GLIPR1L2: variants seen among roughly 807,000 people sequenced by gnomAD.
GLIPR1L2 encodes the protein GLIPR1-like protein 2.
GLIPR1L2 carries 21 observed loss-of-function variants against 28.4 expected under a neutral mutation model. The ratio of observed to expected loss-of-function variants is 0.74; its 90% CI spans 0.52 to 1.06. The LOEUF (loss-of-function observed/expected upper bound fraction) is 1.06, where lower values mean the gene tolerates loss of function less well. GLIPR1L2 is among the 50% of genes least tolerant of loss of function. The probability of loss-of-function intolerance (pLI) is 0.00; values close to 1 mark genes in which losing one functional copy is unlikely to be tolerated. For missense variants in GLIPR1L2, 476 were observed against 416.9 expected (o/e 1.14, Z -1.23); for synonymous variants, 145 against 139.3 (o/e 1.04, Z -0.29).
intron 1 of GLIPR1L2, among the ~76,000 whole-genome samples, chr12:75,403,848 A>C (rs767669548): frequency 1.8e-4 from 28 of 152,134 alleles, no homozygotes; most frequent in Non-Finnish European, 3.5e-4. Context: ...AGAAGCAACT[A>C]CCTGAGACTA....
chr12:75,400,713 A>G (rs1394481031), intron 1 of GLIPR1L2, among the ~76,000 whole-genome samples: 1 of 152,148 alleles, frequency 6.6e-6, no homozygotes, highest in Non-Finnish European at 1.5e-5. Flanking sequence ...CGTGTTGATA[A>G]TTTCACTGGA....
At position 75,422,957 on chromosome 12, in the gene GLIPR1L2, G is replaced by T; in HGVS notation, c.638G>T (p.Gly213Val). 6.2e-7 allele frequency: 1 copy of T among 1,612,828 alleles called. No individual in the cohort carries two copies. The change falls in exon 4 of 6, where the codon GGC becomes GTC. Residue 213 changes from glycine (G) to valine (V), a missense_variant. Gly to Val is a moderately radical substitution (Grantham distance 109). Transcript: ENST00000550916. The part of the protein sequence containing the change: ...YEPGIFCTRC[G>V]RRDKCTDFLC... ...CCAGGAATATTTTGTACTCGATGTG[G>T]CAGACGTGACAAATGCACAGATTTT...
intron 1 of GLIPR1L2, among the ~76,000 whole-genome samples, chr12:75,393,387 ATTACT>A (rs2045651307): frequency 6.6e-6 from 1 of 152,050 alleles, no homozygotes; most frequent in African/African-American, 2.4e-5. Flanking sequence ...CCATCAAATA[ATTACT>A]TTACTCTCCA....
intron 1 of GLIPR1L2, among the ~76,000 whole-genome samples, chr12:75,406,200 A>G (rs2045798089): frequency 6.6e-6 from 1 of 151,958 alleles, no homozygotes; most frequent in Non-Finnish European, 1.5e-5. Context: ...CTTTTGTCAT[A>G]TTGGTTAAAT....
intron 1 of GLIPR1L2, 106 bp downstream of exon 1, chr12:75,391,456 G>C: frequency 6.3e-7 from 1 of 1,583,658 alleles, no homozygotes; most frequent in Non-Finnish European, 8.6e-7. Flanking sequence ...GGATCGCGGA[G>C]AACCGCACTT....
rs747679947 is a variant in GLIPR1L2 at position 75,410,644 on chromosome 12, G to A, written c.445G>A (p.Gly149Ser). 6.2e-7 allele frequency: 1 copy of A among 1,610,286 alleles called. No individual in the cohort carries two copies. Among genetic ancestry groups the A allele is most frequent in the Non-Finnish European group, 8.5e-7 (1 of 1,177,344 alleles). ...AEKKMYNFEN[G>S]SCSGDCSNYI... ...GAAGAAAATGTACAATTTTGAAAAT[G>A]GCAGTTGCTCTGGAGACTGTTCTAA... Residue 149 changes from glycine to serine, a missense_variant, in exon 2 of 6, where the codon GGC becomes AGC. By Grantham distance (56) the Gly-to-Ser change is moderately conservative. Coordinates refer to ENST00000550916, the MANE Select transcript of GLIPR1L2 (RefSeq NM_001270396.2).
intron 1 of GLIPR1L2, among the ~76,000 whole-genome samples, chr12:75,393,548 C>G (rs2045652734): frequency 6.6e-6 from 1 of 152,056 alleles, no homozygotes; most frequent in African/African-American, 2.4e-5. Flanking sequence ...ATAAAGTTCA[C>G]CCATGTTGTA....
intron 4 of GLIPR1L2, among the ~76,000 whole-genome samples, chr12:75,425,730 C>T (rs559700120): frequency 1.6e-4 from 24 of 152,212 alleles, no homozygotes; most frequent in Middle Eastern, 3.4e-3. Context: ...GTGAGGAGGG[C>T]ACCTATGCGT....
At chr12:75,406,569 C>T (rs1189882567) in intron 1 of GLIPR1L2, among the ~76,000 whole-genome samples, 1 of 151,750 alleles carries the variant, frequency 6.6e-6, no homozygotes, top group African/African-American at 2.4e-5. Context: ...CCAGCTTTGG[C>T]AATATGGTGA....
chr12:75,429,938 C>CTTTTTTTTTTTTTTT (rs34354324), intron 4 of GLIPR1L2, among the ~76,000 whole-genome samples: 2 of 128,654 alleles, frequency 1.6e-5, no homozygotes, highest in Non-Finnish European at 1.6e-5. Context: ...TCTTTTCTTT[C>CTTTTTTTTTTTTTTT]TTTTTTTTTT....
intron 3 of GLIPR1L2, among the ~76,000 whole-genome samples, chr12:75,416,949 A>C (rs545362782): frequency 5.9e-5 from 9 of 152,224 alleles, no homozygotes; most frequent in African/African-American, 2.2e-4. Context: ...TGGTAGAAAA[A>C]TCAATCCATT....
At chr12:75,427,396 A>T in intron 4 of GLIPR1L2, among the ~76,000 whole-genome samples, 1 of 152,376 alleles carries the variant, frequency 6.6e-6, no homozygotes, top group Middle Eastern at 3.4e-3. Context: ...CTAATATAGA[A>T]ATCATTACAT....
At position 75,391,317 on chromosome 12, in the gene GLIPR1L2, C is replaced by G; in HGVS notation, c.201C>G (p.Asp67Glu). ...YVNLHNELRGDVIPRGSNLRF... is the reference protein window; with the variant it reads ...YVNLHNELRGEVIPRGSNLRF... The stretch of plus-strand genomic sequence containing the variant: ...ACCTCCACAATGAGCTGCGGGGCGA[C>G]GTCATTCCCCGAGGGTCTAACTTGC... Residue 67 changes from aspartate (D) to glutamate (E), a missense_variant, in exon 1 of 6, where the codon GAC becomes GAG. Physicochemically the swap from Asp to Glu is conservative, Grantham distance 45. Coordinates refer to ENST00000550916, the MANE Select transcript of GLIPR1L2 (RefSeq NM_001270396.2). 6.2e-7 allele frequency: 1 copy of G among 1,614,136 alleles called. No homozygotes were observed. The highest frequency in any genetic ancestry group is 8.5e-7 in the Non-Finnish European group (1 of 1,179,994).
At chr12:75,409,128 G>A (rs1376131610) in intron 1 of GLIPR1L2, among the ~76,000 whole-genome samples, 7 of 151,736 alleles carry the variant, frequency 4.6e-5, no homozygotes, top group Admixed American at 2.0e-4. Flanking sequence ...ATTCTTCTGC[G>A]ATTTTTTTTT....
At chr12:75,396,068 TTG>T (rs1467485115) in intron 1 of GLIPR1L2, among the ~76,000 whole-genome samples, 1 of 152,202 alleles carries the variant, frequency 6.6e-6, no homozygotes, top group Admixed American at 6.5e-5. Context: ...GTTTAAATAG[TTG>T]TGTTTTCATT....
intron 3 of GLIPR1L2, among the ~76,000 whole-genome samples, chr12:75,417,800 T>C (rs2045937786): frequency 6.6e-6 from 1 of 152,062 alleles, no homozygotes; most frequent in Admixed American, 6.6e-5. Context: ...CATATAATTA[T>C]TTACTAGTCC....
At chr12:75,401,582 T>G (rs2139926560) in intron 1 of GLIPR1L2, among the ~76,000 whole-genome samples, 1 of 152,146 alleles carries the variant, frequency 6.6e-6, no homozygotes, top group Non-Finnish European at 1.5e-5. Context: ...GAACAAATAA[T>G]CCTGTCAATA....
rs2046090306 is a variant in GLIPR1L2 at position 75,431,226 on chromosome 12, CA to C, written c.*66del. 2.2e-6 allele frequency: 1 copy of C among 459,828 alleles called. No individual in the cohort carries two copies. The highest frequency in any genetic ancestry group is 3.8e-6 in the Non-Finnish European group (1 of 264,492). The allele number at this position is 459,828 out of a possible 1,614,324, so 28.5% of individuals were successfully genotyped here. A position where few individuals can be genotyped will look rare whatever the true frequency, so the allele number is the denominator to read the frequency against. On this transcript the variant is annotated 3_prime_UTR_variant, in exon 6 of 6. Transcript: ENST00000550916. ...ACCAAAAGTGTAATACAAAAAAAGA[CA>C]GAAAAAAAAAAAAAGTAAAACACTG...
chr12:75,420,826 G>T (rs539325556), intron 3 of GLIPR1L2, among the ~76,000 whole-genome samples: 1 of 152,216 alleles, frequency 6.6e-6, no homozygotes. Context: ...ATTTCTGGCT[G>T]TCTAATAGAA....
Sources: gnomAD v4.1 joint callset for allele counts (sites outside exome capture counted in the v4.1 genomes callset) on GRCh38, gnomAD v4.1.1 for gene constraint, MANE v1.5 for transcripts, NCBI Gene and HGNC (gene_info 2026-07-23, HGNC 2026-07-21) for gene names.